LARGE1: variants seen among roughly 807,000 people sequenced by gnomAD.
The protein encoded by LARGE1 is xylosyl- and glucuronyltransferase LARGE1.
In LARGE1, 43 loss-of-function variants were observed where a neutral mutation model predicts 87.6. The ratio of observed to expected loss-of-function variants is 0.49; its 90% CI spans 0.38 to 0.63. LARGE1 has a LOEUF of 0.63. Among genes scored for constraint, LARGE1 ranks in the 30% least tolerant of loss-of-function variants. The probability of loss-of-function intolerance (pLI) is 0.00; values close to 1 mark genes in which losing one functional copy is unlikely to be tolerated. For missense variants in LARGE1, 802 were observed against 1,000.2 expected (o/e 0.80, Z 2.67); for synonymous variants, 434 against 394.6 (o/e 1.10, Z -1.18).
chr22:33,104,889 CTCTTTCTTTCTTTCTTTCTT>C, the LARGE1 span, among the ~76,000 whole-genome samples: 1,006 of 89,196 alleles, frequency 0.011, 9 homozygotes, highest in African/African-American at 0.018. Flanking sequence ...GACTTTCTCT[CTCTTTCTTTCTTTCTTTCTT>C]TCTTTCTTTC....
rs5749641 is a variant in LARGE1, at chr22:33,630,156, G to A, written c.409-3830C>T. ...AGAGGTTGCAGTGAGCTGAGATCTC[G>A]CCATTGCACTCCAGCCTGGGCAACA... On this transcript the variant is annotated intron_variant, in intron 3 of 14. Coordinates refer to ENST00000397394, the MANE Select transcript of LARGE1 (RefSeq NM_133642.5). 2.1e-4 allele frequency among the ~76,000 whole-genome samples: 32 copies of A among 151,946 alleles called. 1 individual carries two copies. The East Asian group carries it at 5.8e-3, about 28-fold the overall frequency.
At chr22:33,118,035 A>G in the LARGE1 span, among the ~76,000 whole-genome samples, 1 of 152,222 alleles carries the variant, frequency 6.6e-6, no homozygotes, top group African/African-American at 2.4e-5. Flanking sequence ...TCTCTAATCA[A>G]ATCTGAGGAT....
At chr22:33,584,842 C>T (rs757622513) in intron 5 of LARGE1, among the ~76,000 whole-genome samples, 10 of 152,160 alleles carry the variant, frequency 6.6e-5, no homozygotes, top group Non-Finnish European at 1.2e-4. Flanking sequence ...GTGGGCTGGG[C>T]GCATTGGCTC....
chr22:33,509,515 A>G (rs2070945025), intron 6 of LARGE1, among the ~76,000 whole-genome samples: 1 of 152,176 alleles, frequency 6.6e-6, no homozygotes, highest in South Asian at 2.1e-4. Context: ...GCAAAGCACA[A>G]TCATACCTCA....
At chr22:33,834,597 C>G (rs1009268954) in intron 1 of LARGE1, among the ~76,000 whole-genome samples, 1 of 152,186 alleles carries the variant, frequency 6.6e-6, no homozygotes, top group African/African-American at 2.4e-5. Context: ...TCTTTTCGGA[C>G]TCAGCCCGCC....
intron 6 of LARGE1, among the ~76,000 whole-genome samples, chr22:33,557,068 T>C (rs1436057030): frequency 3.3e-5 from 5 of 152,274 alleles, no homozygotes; most frequent in Non-Finnish European, 5.9e-5. Flanking sequence ...TTAGGTATTG[T>C]GCAATACAGA....
At chr22:33,808,223 G>C (rs2086375602) in intron 1 of LARGE1, among the ~76,000 whole-genome samples, 1 of 152,194 alleles carries the variant, frequency 6.6e-6, no homozygotes, top group African/African-American at 2.4e-5. Context: ...GTACGTCACT[G>C]TTGTTTTATT....
chr22:33,316,188 G>T lies in LARGE1; in HGVS notation c.1348C>A (p.Arg450Ser), dbSNP rs754744384. 6.2e-7 allele frequency: 1 copy of T among 1,614,024 alleles called. No individual in the cohort carries two copies. Among genetic ancestry groups the T allele is most frequent in the South Asian group, 1.1e-5 (1 of 91,068 alleles). ...DDLCYEFRRE[R>S]FTVHRTHLYF... ...AGGTGGGTGCGGTGGACAGTGAAGC[G>T]CTCTCGCCGGAACTCATAGCACAGG... The change falls in exon 11 of 15, where the codon CGC (arginine) becomes AGC (serine). Residue 450 changes from arginine (R) to serine (S), a missense_variant. Arg to Ser is a moderately radical substitution (Grantham distance 110). Coordinates refer to ENST00000397394, the MANE Select transcript of LARGE1 (RefSeq NM_133642.5).
At chr22:33,664,732 C>T (rs535425932) in intron 2 of LARGE1, among the ~76,000 whole-genome samples, 7 of 152,164 alleles carry the variant, frequency 4.6e-5, no homozygotes, top group Non-Finnish European at 1.0e-4. Context: ...GGTATGGTGG[C>T]ACATGCCTAT....
chr22:33,142,514 T>A, the LARGE1 span, among the ~76,000 whole-genome samples: 11 of 152,004 alleles, frequency 7.2e-5, no homozygotes, highest in Non-Finnish European at 1.3e-4. Context: ...GAAAATAAAG[T>A]CAGTAACCTC....
chr22:33,200,056 C>G (rs976758638), intron 11 of LARGE1, among the ~76,000 whole-genome samples: 2 of 151,984 alleles, frequency 1.3e-5, no homozygotes, highest in African/African-American at 4.8e-5. Context: ...ACCATCTTGG[C>G]CAGGCTGATC....
chr22:33,525,520 A>T (rs2071843602), intron 6 of LARGE1, among the ~76,000 whole-genome samples: 1 of 152,208 alleles, frequency 6.6e-6, no homozygotes, highest in Non-Finnish European at 1.5e-5. Flanking sequence ...GTGATATTTG[A>T]TCTATAATCA....
the LARGE1 span, among the ~76,000 whole-genome samples, chr22:33,088,514 C>A: frequency 6.6e-6 from 1 of 152,088 alleles, no homozygotes; most frequent in African/African-American, 2.4e-5. Flanking sequence ...GGGCTGAATG[C>A]CACACCATTC....
chr22:33,407,609 T>C (rs1334562195), intron 7 of LARGE1, among the ~76,000 whole-genome samples: 4 of 152,220 alleles, frequency 2.6e-5, no homozygotes, highest in African/African-American at 9.6e-5. Flanking sequence ...TTACAGTGGC[T>C]TTATTCAATC....
intron 6 of LARGE1, among the ~76,000 whole-genome samples, chr22:33,557,987 G>T (rs1047773375): frequency 6.6e-6 from 1 of 152,162 alleles, no homozygotes; most frequent in Non-Finnish European, 1.5e-5. Context: ...GAATTCCAGC[G>T]CCTTCTGTAC....
chr22:33,463,102 G>C (rs1454613810), intron 6 of LARGE1, among the ~76,000 whole-genome samples: 3 of 151,922 alleles, frequency 2.0e-5, no homozygotes, highest in African/African-American at 7.3e-5. Context: ...AATCTAAAAA[G>C]TATGACAACT....
chr22:33,337,086 T>C (rs1369610345), intron 10 of LARGE1, among the ~76,000 whole-genome samples: 2 of 150,498 alleles, frequency 1.3e-5, no homozygotes, highest in Non-Finnish European at 3.0e-5. Flanking sequence ...TGGGTTTCTA[T>C]GAACATCAAA....
rs1360675422 is a variant in LARGE1 at position 33,522,582 on chromosome 22, C to A, written c.787+42266G>T. Among the ~76,000 whole-genome samples the A allele has an allele frequency of 3.9e-5, 6 of 151,958 alleles. No homozygotes were observed. The East Asian group carries it at 9.7e-4, about 24-fold the overall frequency. On this transcript the variant is annotated intron_variant, in intron 6 of 14. Coordinates refer to ENST00000397394, the MANE Select transcript of LARGE1 (RefSeq NM_133642.5). ...GTGCGGTGGCTGATGCCTATAATCC[C>A]AGCACTTTGGGAGGCCAAGGTGGGT... is the stretch of plus-strand genomic sequence containing the variant.
intron 5 of LARGE1, among the ~76,000 whole-genome samples, chr22:33,573,837 C>T (rs1394244944): frequency 1.3e-5 from 2 of 152,148 alleles, no homozygotes; most frequent in African/African-American, 4.8e-5. Context: ...TCTATGCTGG[C>T]TCCCACATAC....
Sources: allele counts gnomAD v4.1 joint callset (sites outside exome capture counted in the v4.1 genomes callset), GRCh38; gene constraint gnomAD v4.1.1; transcripts MANE v1.5; gene names NCBI Gene and HGNC (gene_info 2026-07-23, HGNC 2026-07-21).